CCDC57: variants seen among roughly 807,000 people sequenced by gnomAD.
The protein encoded by CCDC57 is coiled-coil domain containing 57.
In CCDC57, 118 loss-of-function variants were observed where a neutral mutation model predicts 118.9. That is an observed-to-expected ratio of 0.99 (90% CI 0.86 to 1.16). The LOEUF is 1.16. Among genes scored for constraint, CCDC57 ranks in the 50% most tolerant of loss-of-function variants. The pLI is 0.00. For synonymous variants in CCDC57, 527 were observed against 532.9 expected, an observed-to-expected ratio of 0.99 and a Z score of 0.15; for missense variants, 1,300 against 1,320.7, an observed-to-expected ratio of 0.98 and a Z score of 0.24.
Position 82,170,165 on chromosome 17 carries a change from G to A in CCDC57, c.1882+1536C>T, listed in dbSNP as rs2146226456. ...TGGAGACAGCGCCTCTGAGGAGGCA[G>A]CTAAGGTTACATGAGGTCCTAAGGC... On this transcript the variant is annotated intron_variant, in intron 13 of 19. Transcript: ENST00000665763. 3.3e-5 allele frequency among the ~76,000 whole-genome samples: 5 copies of A among 152,242 alleles called. No individual in the cohort carries two copies. The Middle Eastern group carries it at 0.017, about 518-fold the overall frequency.
chr17:82,162,305 C>T (rs1459272535), intron 14 of CCDC57, among the ~76,000 whole-genome samples: 1 of 152,164 alleles, frequency 6.6e-6, no homozygotes, highest in Non-Finnish European at 1.5e-5. Context: ...CATGCCTGGC[C>T]ACACAATTTT....
intron 1 of CCDC57, among the ~76,000 whole-genome samples, chr17:82,209,305 T>C (rs1050891049): frequency 6.6e-6 from 1 of 152,202 alleles, no homozygotes. Context: ...CGAAGTCTTG[T>C]AGTTGAGTTT....
intron 4 of CCDC57, among the ~76,000 whole-genome samples, chr17:82,197,100 C>G (rs2048402576): frequency 6.6e-6 from 1 of 150,862 alleles, no homozygotes; most frequent in Admixed American, 6.6e-5. Flanking sequence ...CCTGCACCTG[C>G]AGACACACAG....
intron 19 of CCDC57, among the ~76,000 whole-genome samples, chr17:82,122,291 TC>T (rs1473366649): frequency 1.3e-5 from 2 of 152,284 alleles, no homozygotes; most frequent in East Asian, 3.9e-4. Context: ...AGGGACAGCC[TC>T]CCTGGGGCCT....
At chr17:82,103,726 C>T (rs2034635307) in intron 19 of CCDC57, among the ~76,000 whole-genome samples, 1 of 152,190 alleles carries the variant, frequency 6.6e-6, no homozygotes, top group Non-Finnish European at 1.5e-5. Flanking sequence ...GGGTGAAGGG[C>T]CTGCCCCTTT....
At chr17:82,116,301 G>A (rs1376338346) in intron 19 of CCDC57, among the ~76,000 whole-genome samples, 1 of 151,778 alleles carries the variant, frequency 6.6e-6, no homozygotes, top group Non-Finnish European at 1.5e-5. Flanking sequence ...GAGGCAGGGG[G>A]GCCTCCACCT....
chr17:82,129,924 C>T (rs1314135063), intron 17 of CCDC57, among the ~76,000 whole-genome samples: 6 of 151,816 alleles, frequency 4.0e-5, no homozygotes, highest in Non-Finnish European at 5.9e-5. Flanking sequence ...AGGCTGGGCG[C>T]GGTAGCTCAC....
intron 16 of CCDC57, among the ~76,000 whole-genome samples, chr17:82,138,540 T>A (rs1177639094): frequency 6.6e-6 from 1 of 150,394 alleles, no homozygotes; most frequent in Non-Finnish European, 1.5e-5. Context: ...GAGGTCTCTA[T>A]CGAAAAAAAA....
At chr17:82,196,693 CACTT>C (rs1030533416) in intron 4 of CCDC57, among the ~76,000 whole-genome samples, 6 of 151,940 alleles carry the variant, frequency 3.9e-5, no homozygotes, top group Non-Finnish European at 5.9e-5. Flanking sequence ...CTTCTAGTAA[CACTT>C]ACACCTACCT....
In CCDC57 at chr17:82,212,039, G is replaced by T. The variant is rs1462003156; in HGVS notation, c.-211+746C>A. On this transcript the variant is annotated intron_variant, in intron 1 of 19. Coordinates refer to ENST00000665763, the Ensembl canonical transcript of CCDC57. The surrounding 1 kb of genome is among the most constrained non-coding windows in gnomAD (Gnocchi z 4.1). ...CCTCCCCTCCTCTATTTAGACCAAGGTATCAAAAGAAATCTAGCCCCTTCT... is the reference window on the plus strand; with the variant it reads ...CCTCCCCTCCTCTATTTAGACCAAGTTATCAAAAGAAATCTAGCCCCTTCT... Among the ~76,000 whole-genome samples the T allele has an allele frequency of 6.6e-6, 1 of 152,068 alleles. No homozygotes were observed. The highest frequency in any genetic ancestry group is 1.5e-5 in the Non-Finnish European group (1 of 67,998).
intron 19 of CCDC57, chr17:82,113,876 G>T: frequency 1.8e-6 from 1 of 567,980 alleles, no homozygotes; most frequent in Non-Finnish European, 3.2e-6. Context: ...AGCCTGGAAA[G>T]TTGAGGCCAC....
chr17:82,169,414 C>T (rs1337420000), intron 13 of CCDC57, among the ~76,000 whole-genome samples: 1 of 152,214 alleles, frequency 6.6e-6, no homozygotes, highest in Non-Finnish European at 1.5e-5. Context: ...CAGGCGTGAG[C>T]CACTGCGCCC....
intron 19 of CCDC57, among the ~76,000 whole-genome samples, chr17:82,102,886 A>C (rs1598595888): frequency 1.5e-5 from 1 of 64,520 alleles, no homozygotes; most frequent in Admixed American, 1.2e-4. Flanking sequence ...ACTCTATCTC[A>C]AAAAAAAAAA....
intron 16 of CCDC57, among the ~76,000 whole-genome samples, chr17:82,139,831 C>A (rs769091532): frequency 1.3e-5 from 2 of 152,128 alleles, no homozygotes; most frequent in African/African-American, 4.8e-5. Context: ...AGTCTCTAGT[C>A]GAGAAGCAGA....
rs145537445 is a variant in CCDC57, at chr17:82,117,255, G to A, written c.2899+10437C>T. Among the ~76,000 whole-genome samples, 92 of 152,294 alleles carry A rather than the reference G, an allele frequency of 6.0e-4. 1 individual carries two copies. Among genetic ancestry groups the A allele is most frequent in the African/African-American group, 2.0e-3 (82 of 41,570 alleles). On this transcript the variant is annotated intron_variant, in intron 19 of 19. Coordinates refer to ENST00000665763, the Ensembl canonical transcript of CCDC57. ...TAACCCCAACTACTCCAGGGGCTGA[G>A]GTGGGAGGATCACTTGAGCCCAGGA... is the stretch of plus-strand genomic sequence containing the variant.
chr17:82,168,493 G>A (rs2146198613), intron 13 of CCDC57, among the ~76,000 whole-genome samples: 1 of 152,282 alleles, frequency 6.6e-6, no homozygotes, highest in South Asian at 2.1e-4. Flanking sequence ...AGCTACTTTG[G>A]AGGCTGAGGC....
intron 19 of CCDC57, among the ~76,000 whole-genome samples, chr17:82,102,680 C>A (rs971011040): frequency 6.6e-6 from 1 of 152,024 alleles, no homozygotes; most frequent in Non-Finnish European, 1.5e-5. Context: ...GTCAGGAGTT[C>A]AAGACTAGCC....
chr17:82,142,318 T>TG (rs1443638634), intron 16 of CCDC57, among the ~76,000 whole-genome samples: 1 of 151,998 alleles, frequency 6.6e-6, no homozygotes, highest in Non-Finnish European at 1.5e-5. Context: ...TGTGTTTGTT[T>TG]TTTTTTTTTC....
intron 16 of CCDC57, among the ~76,000 whole-genome samples, chr17:82,143,150 C>CA (rs11324139): frequency 0.013 from 1,877 of 141,838 alleles, 39 homozygotes; most frequent in African/African-American, 0.045. Flanking sequence ...GAAACTCCGT[C>CA]AAAAAAAAAA....
Sources: gnomAD v4.1 joint callset for allele counts (sites outside exome capture counted in the v4.1 genomes callset) on GRCh38, gnomAD v4.1.1 for gene constraint, Gnocchi (gnomAD v3.1) non-coding constraint, MANE v1.5 for transcripts, NCBI Gene and HGNC (gene_info 2026-07-23, HGNC 2026-07-21) for gene names.